Variants in EFCAB9 observed in about 807,000 individuals in gnomAD.
EFCAB9 encodes the protein EF-hand calcium binding domain 9.
A neutral mutation model predicts 15.6 loss-of-function variants in EFCAB9; 16 were observed. The ratio of observed to expected loss-of-function variants is 1.03; its 90% CI spans 0.69 to 1.56. EFCAB9 has a LOEUF of 1.56. Ranked by LOEUF, EFCAB9 falls within the 40% of genes most tolerant of loss-of-function variation. The pLI is 0.00. For synonymous variants in EFCAB9, 76 were observed against 85.4 expected (o/e 0.89, Z 0.61); for missense variants, 208 against 235.4 (o/e 0.88, Z 0.76).
chr5:172,195,183 AAAATAAAT>A (rs1554125607), intron 1 of EFCAB9, among the ~76,000 whole-genome samples: 28 of 147,032 alleles, frequency 1.9e-4, no homozygotes, highest in African/African-American at 3.5e-4. Context: ...TAAATAAATA[AAAATAAAT>A]AAATAAATAA....
intron 1 of EFCAB9, among the ~76,000 whole-genome samples, chr5:172,195,172 A>ATAAC (rs1771138180): frequency 6.8e-6 from 1 of 146,172 alleles, no homozygotes; most frequent in Admixed American, 6.8e-5. Flanking sequence ...AAATAAATAA[A>ATAAC]TAAATAAATA....
intron 1 of EFCAB9, among the ~76,000 whole-genome samples, chr5:172,194,915 A>C (rs1771133673): frequency 6.7e-6 from 1 of 148,264 alleles, no homozygotes; most frequent in African/African-American, 2.5e-5. Flanking sequence ...AATGGAGTCC[A>C]TCTCATAGTT....
intron 2 of EFCAB9, 30 bp downstream of exon 2, chr5:172,199,561 C>CT (rs1241381244): frequency 6.5e-7 from 1 of 1,535,588 alleles, no homozygotes; most frequent in Admixed American, 2.0e-5. Flanking sequence ...CTGCCATCCT[C>CT]TTGCTAATGG....
chr5:172,202,705 C>T (rs1316222058), intron 3 of EFCAB9, among the ~76,000 whole-genome samples: 1 of 149,168 alleles, frequency 6.7e-6, no homozygotes, highest in Non-Finnish European at 1.5e-5. Context: ...GAGACCCCGT[C>T]TCAAAAAAAA....
intron 3 of EFCAB9, 58 bp downstream of exon 3, chr5:172,200,800 A>C: frequency 6.8e-7 from 1 of 1,472,310 alleles, no homozygotes; most frequent in Non-Finnish European, 9.0e-7. Flanking sequence ...AAAGCAGAGA[A>C]AAATGTCCTA....
At chr5:172,194,422 C>T (rs1332162535) in intron 1 of EFCAB9, 114 bp downstream of exon 1, 62 of 1,310,676 alleles carry the variant, frequency 4.7e-5, no homozygotes, top group Non-Finnish European at 5.7e-5. Context: ...TTTTTTGAGA[C>T]GGAATCTCGC....
rs1771218076 is a variant in EFCAB9, at chr5:172,199,411, T to C, written c.165T>C (p.His55=). 27 of 1,537,168 alleles carry C rather than the reference T, an allele frequency of 1.8e-5. 1 individual carries two copies. The highest frequency in any genetic ancestry group is 2.4e-5 in the Non-Finnish European group (27 of 1,146,920). The change falls in exon 2 of 4, where the codon CAT becomes CAC. Residue 55 remains histidine, a synonymous_variant. Transcript: ENST00000398186. Reference sequence around the variant, plus strand: ...TGCTGTTCTATCACTTCCTTCATCATGTGACTGACTTGAAAAAGGCACAGA... The same window carrying C: ...TGCTGTTCTATCACTTCCTTCATCACGTGACTGACTTGAAAAAGGCACAGA... ...NDVLFYHFLH[H]VTDLKKAQIN...
At chr5:172,201,111 C>T (rs1024837298) in intron 3 of EFCAB9, among the ~76,000 whole-genome samples, 1 of 150,680 alleles carries the variant, frequency 6.6e-6, no homozygotes, top group African/African-American at 2.4e-5. Context: ...CGTGGTGGCT[C>T]ACGCCTATAA....
chr5:172,195,896 C>T (rs546396961), intron 1 of EFCAB9, among the ~76,000 whole-genome samples: 19 of 152,130 alleles, frequency 1.2e-4, no homozygotes, highest in South Asian at 6.2e-4. Flanking sequence ...CTCCACCTCC[C>T]GGGTTCAAGT....
At chr5:172,195,021 T>A (rs1771135675) in intron 1 of EFCAB9, among the ~76,000 whole-genome samples, 1 of 152,078 alleles carries the variant, frequency 6.6e-6, no homozygotes, top group South Asian at 2.1e-4. Context: ...TTGTAATTAT[T>A]ATTCTTGGGA....
chr5:172,200,554 C>A lies in EFCAB9; in HGVS notation c.286-12C>A. 1 of 1,530,754 alleles carries A rather than the reference C, an allele frequency of 6.5e-7. No individual in the cohort carries two copies. The highest frequency in any genetic ancestry group is 8.7e-7 in the Non-Finnish European group (1 of 1,143,858). 94.8% of individuals were successfully genotyped at this position (1,530,754 alleles called of 1,614,324 possible). On this transcript the variant is annotated splice_polypyrimidine_tract_variant and intron_variant, in intron 2 of 3. Coordinates refer to ENST00000398186, the MANE Select transcript of EFCAB9 (RefSeq NM_001171183.2). The stretch of plus-strand genomic sequence containing the variant: ...ACACTGTTGCTCATCTCACCTATTT[C>A]TCTCGCAATAGAACCATTTGGAAGG...
rs1368356772 is a variant in EFCAB9, at chr5:172,203,328, A to G, written c.577A>G (p.Lys193Glu). 5 of 1,533,820 alleles carry G rather than the reference A, an allele frequency of 3.3e-6. No individual in the cohort carries two copies. Among genetic ancestry groups the G allele is most frequent in the Admixed American group, 2.0e-5 (1 of 49,730 alleles). ...AGAGAGAAAGAGAAGTCTCTACTCA[A>G]AATGTCACATCAAGTAGATACAAGC... The part of the protein sequence containing the change: ...KGERKRSLYS[K>E]CHIK Residue 193 changes from lysine to glutamate, a missense_variant, in exon 4 of 4, where the codon AAA (lysine) becomes GAA (glutamate). Physicochemically the swap from Lys to Glu is moderately conservative, Grantham distance 56. Coordinates refer to ENST00000398186, the MANE Select transcript of EFCAB9 (RefSeq NM_001171183.2).
chr5:172,195,559 T>C (rs1451800997), intron 1 of EFCAB9, among the ~76,000 whole-genome samples: 1 of 152,234 alleles, frequency 6.6e-6, no homozygotes, highest in African/African-American at 2.4e-5. Flanking sequence ...CAGGGCTCTC[T>C]GCCTGCAAAG....
At position 172,200,550 on chromosome 5, in the gene EFCAB9, AT is replaced by A. The variant is rs1771239516; in HGVS notation, c.286-13del. ...GACAACACTGTTGCTCATCTCACCT[AT>A]TTCTCTCGCAATAGAACCATTTGGA... On this transcript the variant is annotated splice_polypyrimidine_tract_variant and intron_variant, in intron 2 of 3. Coordinates refer to ENST00000398186, the MANE Select transcript of EFCAB9 (RefSeq NM_001171183.2). 6.5e-7 allele frequency: 1 copy of A among 1,530,508 alleles called. No homozygotes were observed. The allele number at this position is 1,530,508 out of a possible 1,614,324, so 94.8% of individuals were successfully genotyped here.
chr5:172,200,450 T>C (rs1247671626), intron 2 of EFCAB9, 116 bp from the exon 3 acceptor site: 17 of 1,088,540 alleles, frequency 1.6e-5, no homozygotes, highest in Non-Finnish European at 2.0e-5. Context: ...TCTGATTTTC[T>C]CTTTTGCTTT....
At chr5:172,200,889 G>GA (rs1416280906) in intron 3 of EFCAB9, 147 bp downstream of exon 3, 1 of 809,482 alleles carries the variant, frequency 1.2e-6, no homozygotes, top group Non-Finnish European at 1.9e-6. Flanking sequence ...ACAAGGATCA[G>GA]AAAAAAACTT....
chr5:172,196,720 A>C (rs1771171014), intron 1 of EFCAB9, among the ~76,000 whole-genome samples: 1 of 152,134 alleles, frequency 6.6e-6, no homozygotes, highest in Non-Finnish European at 1.5e-5. Context: ...GTCATCAGTG[A>C]GTAAGGGGAA....
chr5:172,203,201 ACCC>A lies in EFCAB9; in HGVS notation c.463-12_463-10del, dbSNP rs914819096. ...CTGAAATAATTTTTCTTTCCCCCCC[ACCC>A]TAACCAAAGCGTCTTAATTATCAGG... On this transcript the variant is annotated splice_polypyrimidine_tract_variant and intron_variant, in intron 3 of 3. Transcript: ENST00000398186. The A allele has an allele frequency of 6.2e-6, 1 of 160,250 alleles. No homozygotes were observed. Among genetic ancestry groups the A allele is most frequent in the Admixed American group, 2.4e-4 (1 of 4,114 alleles). The allele number at this position is 160,250 out of a possible 1,614,324, so 9.9% of individuals were successfully genotyped here.
chr5:172,200,818 T>C (rs956752013), intron 3 of EFCAB9, 76 bp downstream of exon 3: 3 of 1,384,910 alleles, frequency 2.2e-6, no homozygotes, highest in East Asian at 2.5e-5. Flanking sequence ...CTACTACATA[T>C]AGGAGAGATG....
Sources: allele counts gnomAD v4.1 joint callset (sites outside exome capture counted in the v4.1 genomes callset), GRCh38; gene constraint gnomAD v4.1.1; transcripts MANE v1.5; gene names NCBI Gene and HGNC (gene_info 2026-07-23, HGNC 2026-07-21).